ZBTB7C: variants seen among roughly 807,000 people sequenced by gnomAD.
ZBTB7C encodes zinc finger and BTB domain containing 7C, also known as zinc finger and BTB domain-containing protein 7C.
ZBTB7C carries 8 observed loss-of-function variants against 25.7 expected under a neutral mutation model. The observed-to-expected ratio is 0.31, with a 90% CI of 0.18 to 0.56. ZBTB7C has a LOEUF of 0.56. ZBTB7C is among the 20% of genes least tolerant of loss of function. The probability of loss-of-function intolerance (pLI) is 0.91; values close to 1 mark genes in which losing one functional copy is unlikely to be tolerated. For synonymous variants in ZBTB7C, 394 were observed against 369.0 expected, an observed-to-expected ratio of 1.07 and a Z score of -0.78; for missense variants, 824 against 855.2, an observed-to-expected ratio of 0.96 and a Z score of 0.46.
At chr18:48,311,518 T>C (rs960677240) in intron 2 of ZBTB7C, among the ~76,000 whole-genome samples, 4 of 148,582 alleles carry the variant, frequency 2.7e-5, no homozygotes, top group African/African-American at 7.6e-5. Context: ...TGTCATCTAA[T>C]GGGTAAGACG....
Position 48,027,489 on chromosome 18 carries a change from G to A in ZBTB7C, c.*1771C>T, listed in dbSNP as rs7238588. ...TTCAGAGAAAAGTGTCTGAAACGAA[G>A]ACAGGAATCTGAGAGGCGGCTGCCC... On this transcript the variant is annotated 3_prime_UTR_variant, in exon 5 of 5. Transcript: ENST00000590800. The A allele has an allele frequency of 6.6e-6, 1 of 152,260 alleles. No homozygotes were observed. The highest frequency in any genetic ancestry group is 2.4e-5 in the African/African-American group (1 of 41,550). The allele number at this position is 152,260 out of a possible 1,614,324, so 9.4% of individuals were successfully genotyped here. A position where few individuals can be genotyped will look rare whatever the true frequency, so the allele number is the denominator to read the frequency against.
At chr18:48,132,448 A>G (rs1357984777) in intron 3 of ZBTB7C, among the ~76,000 whole-genome samples, 1 of 152,210 alleles carries the variant, frequency 6.6e-6, no homozygotes, top group Non-Finnish European at 1.5e-5. Context: ...GCTAATGGGT[A>G]CAGTATTTCC....
intron 2 of ZBTB7C, among the ~76,000 whole-genome samples, chr18:48,267,321 C>G (rs961372892): frequency 2.6e-5 from 4 of 152,236 alleles, no homozygotes; most frequent in African/African-American, 7.2e-5. Context: ...GTGTTCACTG[C>G]TTGACAGCAA....
At chr18:48,375,915 C>T (rs1469161835) in intron 1 of ZBTB7C, among the ~76,000 whole-genome samples, 1 of 152,196 alleles carries the variant, frequency 6.6e-6, no homozygotes, top group African/African-American at 2.4e-5. Flanking sequence ...AGCTTGGAGA[C>T]CTTAGGCAAG....
At chr18:48,271,728 A>T (rs2044492629) in intron 2 of ZBTB7C, among the ~76,000 whole-genome samples, 1 of 151,998 alleles carries the variant, frequency 6.6e-6, no homozygotes, top group Admixed American at 6.6e-5. Flanking sequence ...AATAAATATG[A>T]TCATCTTAGT....
At chr18:48,317,942 C>A (rs1248158758) in intron 2 of ZBTB7C, among the ~76,000 whole-genome samples, 1 of 142,226 alleles carries the variant, frequency 7.0e-6, no homozygotes, top group Non-Finnish European at 1.6e-5. Flanking sequence ...CGACATTCAG[C>A]AGACCTTTCC....
At chr18:48,090,204 G>C (rs1381672272) in intron 3 of ZBTB7C, among the ~76,000 whole-genome samples, 1 of 152,248 alleles carries the variant, frequency 6.6e-6, no homozygotes, top group Non-Finnish European at 1.5e-5. Flanking sequence ...GAGCGTAGCA[G>C]GTGCTGGGCC....
At chr18:48,300,234 G>C (rs1479551664) in intron 2 of ZBTB7C, among the ~76,000 whole-genome samples, 2 of 152,124 alleles carry the variant, frequency 1.3e-5, no homozygotes, top group African/African-American at 4.8e-5. Context: ...TATTTTAAAA[G>C]CTCCTTAAGT....
intron 3 of ZBTB7C, among the ~76,000 whole-genome samples, chr18:48,170,292 C>A (rs531269405): frequency 1.3e-5 from 2 of 152,366 alleles, no homozygotes; most frequent in South Asian, 4.1e-4. Flanking sequence ...ACCCCAAGGG[C>A]TAACTAGTAT....
At chr18:48,214,755 A>T (rs2042783810) in intron 2 of ZBTB7C, among the ~76,000 whole-genome samples, 1 of 152,256 alleles carries the variant, frequency 6.6e-6, no homozygotes, top group Non-Finnish European at 1.5e-5. Flanking sequence ...GACATGTGGT[A>T]GCATGTGTCA....
At chr18:48,249,556 G>A (rs1167278549) in intron 2 of ZBTB7C, among the ~76,000 whole-genome samples, 1 of 152,226 alleles carries the variant, frequency 6.6e-6, no homozygotes, top group Non-Finnish European at 1.5e-5. Context: ...ATTTAGAAGA[G>A]ATAATAAGTA....
chr18:48,330,884 T>C (rs549990944), intron 2 of ZBTB7C, among the ~76,000 whole-genome samples: 61 of 152,270 alleles, frequency 4.0e-4, no homozygotes, highest in African/African-American at 1.4e-3. Flanking sequence ...ACAAGGTTTA[T>C]GTGCTCAGCT....
intron 3 of ZBTB7C, among the ~76,000 whole-genome samples, chr18:48,129,699 G>A (rs992215034): frequency 6.6e-6 from 1 of 152,176 alleles, no homozygotes; most frequent in African/African-American, 2.4e-5. Context: ...TGGAGGCCTG[G>A]CCTCAAGTTT....
intron 3 of ZBTB7C, among the ~76,000 whole-genome samples, chr18:48,131,310 T>C (rs376133794): frequency 6.6e-6 from 1 of 152,248 alleles, no homozygotes; most frequent in African/African-American, 2.4e-5. Context: ...TAGCAGAGCA[T>C]AGTCCAGGCT....
chr18:48,088,978 A>G (rs908291333), intron 3 of ZBTB7C, among the ~76,000 whole-genome samples: 1 of 152,198 alleles, frequency 6.6e-6, no homozygotes, highest in African/African-American at 2.4e-5. Flanking sequence ...AGATACTTGG[A>G]TGCAAGAGTG....
At chr18:48,394,667 G>A (rs915574790) in intron 1 of ZBTB7C, among the ~76,000 whole-genome samples, 7 of 152,228 alleles carry the variant, frequency 4.6e-5, no homozygotes, top group East Asian at 3.9e-4. Context: ...GTCTGTGTGC[G>A]TATGTGTGTA....
chr18:48,178,100 A>G lies in ZBTB7C; in HGVS notation c.-17+7834T>C, dbSNP rs539047719. On this transcript the variant is annotated intron_variant, in intron 3 of 4. Coordinates refer to ENST00000590800, the MANE Select transcript of ZBTB7C (RefSeq NM_001318841.2). The stretch of plus-strand genomic sequence containing the variant: ...TCCCCAGTGTTCACAGCCCTGGGGT[A>G]CTGCACTGGGTCTTGAGAGTTCCCT... Among the ~76,000 whole-genome samples, 178 of 151,948 alleles carry G rather than the reference A, an allele frequency of 1.2e-3. 1 individual carries two copies. The highest frequency in any genetic ancestry group is 1.9e-3 in the South Asian group (9 of 4,820).
intron 2 of ZBTB7C, among the ~76,000 whole-genome samples, chr18:48,209,468 A>G (rs894300557): frequency 1.3e-5 from 2 of 152,220 alleles, no homozygotes; most frequent in African/African-American, 4.8e-5. Flanking sequence ...TTAAAATGCG[A>G]GTCACTGGCT....
At chr18:48,246,440 A>G (rs1214088718) in intron 2 of ZBTB7C, among the ~76,000 whole-genome samples, 2 of 151,398 alleles carry the variant, frequency 1.3e-5, no homozygotes, top group African/African-American at 4.8e-5. Flanking sequence ...AAAAAAAAAT[A>G]AATAATAAAA....
Sources: gnomAD v4.1 joint callset for allele counts (sites outside exome capture counted in the v4.1 genomes callset) on GRCh38, gnomAD v4.1.1 for gene constraint, MANE v1.5 for transcripts, NCBI Gene and HGNC (gene_info 2026-07-23, HGNC 2026-07-21) for gene names.